SPTA1: variants seen among roughly 807,000 people sequenced by gnomAD.
SPTA1 encodes spectrin alpha, erythrocytic 1.
A neutral mutation model predicts 324.7 loss-of-function variants in SPTA1; 177 were observed. That is an observed-to-expected ratio of 0.55 (90% CI 0.48 to 0.62). The LOEUF (loss-of-function observed/expected upper bound fraction) is 0.62, where lower values mean the gene tolerates loss of function less well. Among genes scored for constraint, SPTA1 ranks in the 20% least tolerant of loss-of-function variants. The probability of loss-of-function intolerance (pLI) is 0.00; values close to 1 mark genes in which losing one functional copy is unlikely to be tolerated. For synonymous variants in SPTA1, 1,195 were observed against 1,041.3 expected, an observed-to-expected ratio of 1.15 and a Z score of -2.84; for missense variants, 3,162 against 2,883.6, an observed-to-expected ratio of 1.10 and a Z score of -2.21.
Position 158,672,213 on chromosome 1 carries a change from A to G in SPTA1, c.1351-17T>C, listed in dbSNP as rs774864504. 2 of 1,610,398 alleles carry G rather than the reference A, an allele frequency of 1.2e-6. No homozygotes were observed. Among genetic ancestry groups the G allele is most frequent in the African/African-American group, 2.7e-5 (2 of 74,816 alleles). On this transcript the variant is annotated splice_polypyrimidine_tract_variant and intron_variant, in intron 10 of 51. Coordinates refer to ENST00000643759, the MANE Select transcript of SPTA1 (RefSeq NM_003126.4). ...TATTTCCATCTTTGGAAAGAAGGAGATAATGTATATGGAAGATAATTAATT... is the reference window on the plus strand; with the variant it reads ...TATTTCCATCTTTGGAAAGAAGGAGGTAATGTATATGGAAGATAATTAATT...
At chr1:158,675,520 C>A (rs577338985) in intron 8 of SPTA1, among the ~76,000 whole-genome samples, 2 of 152,168 alleles carry the variant, frequency 1.3e-5, no homozygotes, top group African/African-American at 4.8e-5. Context: ...TTTCAATATG[C>A]CCAGCAGGTG....
In SPTA1 at chr1:158,627,689, T is replaced by G; in HGVS notation, c.5600A>C (p.Asp1867Ala). 6.2e-7 allele frequency: 1 copy of G among 1,613,220 alleles called. No homozygotes were observed. The highest frequency in any genetic ancestry group is 1.3e-5 in the African/African-American group (1 of 75,054). Residue 1867 changes from aspartate to alanine, a missense_variant, in exon 40 of 52, where the codon GAC (aspartate) becomes GCC (alanine). Transcript: ENST00000643759. ...LLMKHEALEN[D>A]FAVHETRVQN... ...TACTCGGGTCTCATGGACAGCAAAG[T>G]CATTTTCCAAAGCTTCATGCTTCAT...
chr1:158,647,650 C>T lies in SPTA1; in HGVS notation c.3785G>A (p.Arg1262Lys), dbSNP rs1652097924. ...GGCCTCATTCAGCTCCATTTTCTGTCTCTGCAGGTCCTCAGTGGCATCTGG... is the reference window on the plus strand; with the variant it reads ...GGCCTCATTCAGCTCCATTTTCTGTTTCTGCAGGTCCTCAGTGGCATCTGG... The part of the protein sequence containing the change: ...SHPDATEDLQ[R>K]QKMELNEAWE... The change falls in exon 27 of 52, where the codon AGA becomes AAA. Residue 1262 changes from arginine (R) to lysine (K), a missense_variant. Physicochemically the swap from Arg to Lys is conservative, Grantham distance 26. Transcript: ENST00000643759. 1 of 1,613,854 alleles carries T rather than the reference C, an allele frequency of 6.2e-7. No individual in the cohort carries two copies. Among genetic ancestry groups the T allele is most frequent in the South Asian group, 1.1e-5 (1 of 91,088 alleles).
At position 158,652,088 on chromosome 1, in the gene SPTA1, G is replaced by T. The variant is rs1181746049; in HGVS notation, c.3375+379C>A. On this transcript the variant is annotated intron_variant, in intron 23 of 51. Transcript: ENST00000643759. Reference sequence around the variant, plus strand: ...AATTAGAAATTGTTTGTCAAGTCAGGTTCTTCCTTCTTCCACCCCAAACTC... The same window carrying T: ...AATTAGAAATTGTTTGTCAAGTCAGTTTCTTCCTTCTTCCACCCCAAACTC... 3.9e-5 allele frequency among the ~76,000 whole-genome samples: 6 copies of T among 152,104 alleles called. No homozygotes were observed. In the East Asian group the frequency reaches 1.2e-3, roughly 29 times the overall value.
At position 158,674,284 on chromosome 1, in the gene SPTA1, T is replaced by C. The variant is rs758312039; in HGVS notation, c.1350+45A>G. 24 of 1,523,058 alleles carry C rather than the reference T, an allele frequency of 1.6e-5. 1 individual carries two copies. The East Asian group carries it at 4.7e-4, about 30-fold the overall frequency. The allele number at this position is 1,523,058 out of a possible 1,614,324, so 94.3% of individuals were successfully genotyped here. A position where few individuals can be genotyped will look rare whatever the true frequency, so the allele number is the denominator to read the frequency against. On this transcript the variant is annotated intron_variant, in intron 10 of 51. Transcript: ENST00000643759. ...TATTATTGTGAGATTATGTAATGAC[T>C]ACATATATAATTGGAATTTGACAAA... is the stretch of plus-strand genomic sequence containing the variant.
chr1:158,677,894 T>C, intron 6 of SPTA1, 60 bp from the exon 7 acceptor site: 3 of 1,608,464 alleles, frequency 1.9e-6, no homozygotes, highest in Non-Finnish European at 2.6e-6. Context: ...GGGCAAACGG[T>C]CCAACAGAAC....
chr1:158,670,436 A>G (rs1356498577), intron 12 of SPTA1, among the ~76,000 whole-genome samples: 1 of 152,250 alleles, frequency 6.6e-6, no homozygotes, highest in African/African-American at 2.4e-5. Flanking sequence ...AAGGACACAC[A>G]TATCAATTAA....
In SPTA1 at chr1:158,669,521, T is replaced by TA; in HGVS notation, c.1719dup (p.Arg574Ter). On this transcript the variant is annotated frameshift_variant, in exon 14 of 52. Coordinates refer to ENST00000643759, the MANE Select transcript of SPTA1 (RefSeq NM_003126.4). LOFTEE classifies it high-confidence loss of function. The stretch of plus-strand genomic sequence containing the variant: ...AATGACTCCTTCAGCAATCTACGTC[T>TA]AGTGGCAGCCTTTTCACGTAGGGCA... 1 of 1,614,170 alleles carries TA rather than the reference T, an allele frequency of 6.2e-7. No individual in the cohort carries two copies. Among genetic ancestry groups the TA allele is most frequent in the Non-Finnish European group, 8.5e-7 (1 of 1,180,008 alleles).
chr1:158,642,891 C>T lies in SPTA1; in HGVS notation c.4528G>A (p.Glu1510Lys), dbSNP rs368360991. The change falls in exon 32 of 52, where the codon GAG becomes AAG. Residue 1510 changes from glutamate to lysine, a missense_variant. Coordinates refer to ENST00000643759, the MANE Select transcript of SPTA1 (RefSeq NM_003126.4). The part of the protein sequence containing the change: ...ANLKQFYRDL[E>K]ELEEWISEML... ...TCACTGATCCATTCTTCCAGCTCCT[C>T]AAGGTCTCGGTAGAATTGTTTTAGG... 5 of 1,613,800 alleles carry T rather than the reference C, an allele frequency of 3.1e-6. No individual in the cohort carries two copies. The African/African-American group carries it at 6.7e-5, about 22-fold the overall frequency.
rs1651430687 is a variant in SPTA1 at position 158,640,102 on chromosome 1, A to T, written c.4738-95T>A. On this transcript the variant is annotated intron_variant, in intron 33 of 51. Transcript: ENST00000643759. ...AATGTAGGAAGGCTGTGAAGGCAGG[A>T]ACTAGCCAAAATTTGCTGATACTTG... 1.9e-6 allele frequency: 3 copies of T among 1,550,794 alleles called. No homozygotes were observed. The Admixed American group carries it at 5.1e-5, about 26-fold the overall frequency.
chr1:158,626,227 AAGG>A lies in SPTA1; in HGVS notation c.5834-8_5834-6del. ...TTAGGCTTGTTTCCTTATCAGCTAA[AAGG>A]CAAAAACAATTAAGAAGAGAAAGAC... On this transcript the variant is annotated splice_polypyrimidine_tract_variant and splice_region_variant and intron_variant, in intron 41 of 51. Transcript: ENST00000643759. The A allele has an allele frequency of 6.2e-7, 1 of 1,613,304 alleles. No homozygotes were observed. Among genetic ancestry groups the A allele is most frequent in the Non-Finnish European group, 8.5e-7 (1 of 1,179,418 alleles).
At position 158,654,743 on chromosome 1, in the gene SPTA1, T is replaced by C. The variant is rs779576426; in HGVS notation, c.2904A>G (p.Gln968=). Residue 968 remains glutamine, a synonymous_variant, in exon 21 of 52, where the codon CAA becomes CAG. Transcript: ENST00000643759. The part of the protein sequence containing the change: ...LRNQANACQQ[Q]QAAPVEGVAG... ...CAACTCCCTCCACTGGTGCAGCCTG[T>C]TGTTGCTGAATAAAAACAGGAAGCA... 2.5e-6 allele frequency: 4 copies of C among 1,613,478 alleles called. No individual in the cohort carries two copies. Among genetic ancestry groups the C allele is most frequent in the South Asian group, 1.1e-5 (1 of 91,056 alleles).
In SPTA1 at chr1:158,611,006, C is replaced by T. The variant is rs1266742873; in HGVS notation, c.*258G>A. 2.4e-6 allele frequency: 1 copy of T among 416,270 alleles called. No individual in the cohort carries two copies. The allele number at this position is 416,270 out of a possible 1,614,324, so 25.8% of individuals were successfully genotyped here. ...ACAAATAAAAATAGAAACTTTGACA[C>T]CCCTCAGCAGTGACTAGTTGCATAC... On this transcript the variant is annotated 3_prime_UTR_variant, in exon 52 of 52. Coordinates refer to ENST00000643759, the MANE Select transcript of SPTA1 (RefSeq NM_003126.4).
At position 158,686,557 on chromosome 1, in the gene SPTA1, C is replaced by CAGAGAGAG. The variant is rs111674514; in HGVS notation, c.-48_-41dup. 36,407 of 1,022,020 alleles carry CAGAGAGAG rather than the reference C, an allele frequency of 0.036. 304 individuals are homozygous for CAGAGAGAG. The highest frequency in any genetic ancestry group is 0.041 in the Non-Finnish European group (27,132 of 665,436). 63.3% of individuals were successfully genotyped at this position (1,022,020 alleles called of 1,614,324 possible). ...TAGAACCTGGCAAGATAAAATGTGTCAGAGAGAGAGAGAGAGAGAAATAAT... is the reference window on the plus strand; with the variant it reads ...TAGAACCTGGCAAGATAAAATGTGTCAGAGAGAGAGAGAGAGAGAGAGAGAGAAATAAT... On this transcript the variant is annotated 5_prime_UTR_variant, in exon 1 of 52. An upstream open reading frame in the 5' UTR loses its in-frame stop. Transcript: ENST00000643759.
intron 29 of SPTA1, among the ~76,000 whole-genome samples, chr1:158,644,800 A>T (rs1463983124): frequency 6.6e-6 from 1 of 152,194 alleles, no homozygotes; most frequent in Non-Finnish European, 1.5e-5. Flanking sequence ...ATCTCACTGT[A>T]CTAGTAAAAT....
intron 3 of SPTA1, 28 bp downstream of exon 3, chr1:158,683,343 A>C: frequency 6.2e-7 from 1 of 1,612,708 alleles, no homozygotes; most frequent in Non-Finnish European, 8.5e-7. Flanking sequence ...CAATAATTGG[A>C]AACTTCTTCA....
intron 2 of SPTA1, 136 bp downstream of exon 2, chr1:158,684,972 C>G: frequency 9.6e-7 from 1 of 1,046,368 alleles, no homozygotes; most frequent in Admixed American, 2.0e-5. Context: ...CTTCCCACTC[C>G]ACTGACTTAT....
At chr1:158,661,616 T>C in intron 17 of SPTA1, 1 of 635,478 alleles carries the variant, frequency 1.6e-6, no homozygotes, top group Non-Finnish European at 2.6e-6. Context: ...TAAATTTCAA[T>C]TCACTGTTAT....
intron 12 of SPTA1, 61 bp from the exon 13 acceptor site, chr1:158,669,847 T>C (rs1056700709): frequency 2.0e-6 from 3 of 1,519,628 alleles, no homozygotes; most frequent in East Asian, 2.3e-5. Context: ...TAAGTGGCCA[T>C]AGTTTGGGTA....
Sources: gnomAD v4.1 joint callset for allele counts (sites outside exome capture counted in the v4.1 genomes callset) on GRCh38, gnomAD v4.1.1 for gene constraint, MANE v1.5 for transcripts, NCBI Gene and HGNC (gene_info 2026-07-23, HGNC 2026-07-21) for gene names.